Variants in TRAPPC8 observed in about 807,000 individuals in gnomAD.
TRAPPC8 encodes general sporulation gene 1 homolog.
A neutral mutation model predicts 174.3 loss-of-function variants in TRAPPC8; 54 were observed. The observed-to-expected ratio is 0.31, with a 90% CI of 0.25 to 0.39. The LOEUF (loss-of-function observed/expected upper bound fraction) is 0.39. TRAPPC8 is among the 10% of genes least tolerant of loss of function. TRAPPC8 has a pLI of 1.00. For synonymous variants in TRAPPC8, 630 were observed against 579.9 expected, an observed-to-expected ratio of 1.09 and a Z score of -1.24; for missense variants, 1,531 against 1,699.1, an observed-to-expected ratio of 0.90 and a Z score of 1.74.
At position 31,907,592 on chromosome 18, in the gene TRAPPC8, TG is replaced by T; in HGVS notation, c.1256del (p.Pro419GlnfsTer95). 1 of 1,610,072 alleles carries T rather than the reference TG, an allele frequency of 6.2e-7. No homozygotes were observed. The highest frequency in any genetic ancestry group is 8.5e-7 in the Non-Finnish European group (1 of 1,177,716). ...CAGCCATTTTCCTGATTTGAAGTTC[TG>T]GTGCTTCCGGCGGATACCTGTAAAT... is the stretch of plus-strand genomic sequence containing the variant. Reference protein sequence around the residue: ...TSGLLYPPEAPELQIRKMADL... With the variant: ...TSGLLYPPEAXELQIRKMADL... On this transcript the variant is annotated frameshift_variant, in exon 9 of 29. Transcript: ENST00000283351. LOFTEE classifies it high-confidence loss of function.
At position 31,937,828 on chromosome 18, in the gene TRAPPC8, C is replaced by A. The variant is rs573338081; in HGVS notation, c.157+4780G>T. On this transcript the variant is annotated intron_variant, in intron 1 of 28. Transcript: ENST00000283351. ...AAGTGATTCTCCTGCCTCAGCCTCC[C>A]GAGCAGCTGGGACTACAAGCGCCCA... Among the ~76,000 whole-genome samples, 21 of 152,112 alleles carry A rather than the reference C, an allele frequency of 1.4e-4. No individual in the cohort carries two copies. In the South Asian group the frequency reaches 3.7e-3, roughly 27 times the overall value.
chr18:31,885,045 G>C (rs2035640460), intron 12 of TRAPPC8, among the ~76,000 whole-genome samples: 1 of 151,944 alleles, frequency 6.6e-6, no homozygotes, highest in Admixed American at 6.6e-5. Flanking sequence ...TTTTAGTAGA[G>C]ACGGGGTTTC....
Position 31,874,528 on chromosome 18 carries a change from A to T in TRAPPC8, c.1905T>A (p.Ser635=). ...TGAGGAAAGCCCCCTGTTGAGCAGCAGATTGTTTACTTTCATTAATTAGAA... is the reference window on the plus strand; with the variant it reads ...TGAGGAAAGCCCCCTGTTGAGCAGCTGATTGTTTACTTTCATTAATTAGAA... The part of the protein sequence containing the change: ...RHILINESKQ[S]AAQQGAFLRE... The change falls in exon 13 of 29, where the codon TCT becomes TCA. Residue 635 remains serine (S), a synonymous_variant. Coordinates refer to ENST00000283351, the MANE Select transcript of TRAPPC8 (RefSeq NM_014939.5). 6.2e-7 allele frequency: 1 copy of T among 1,614,152 alleles called. No homozygotes were observed. Among genetic ancestry groups the T allele is most frequent in the Non-Finnish European group, 8.5e-7 (1 of 1,180,008 alleles).
In TRAPPC8 at chr18:31,908,401, A is replaced by G. The variant is rs2036756877; in HGVS notation, c.1140T>C (p.Gly380=). ...TTGCAGAAAATAGAGATCGACTCAA[A>G]CCTTTTCTTGATATTAGCTTTAAAA... is the stretch of plus-strand genomic sequence containing the variant. ...QLNDQLISRK[G]LSRSLFSATK... is the part of the protein sequence containing the mutation. The change falls in exon 8 of 29, where the codon GGT becomes GGC. Residue 380 remains glycine, a synonymous_variant. Coordinates refer to ENST00000283351, the MANE Select transcript of TRAPPC8 (RefSeq NM_014939.5). 1 of 1,588,466 alleles carries G rather than the reference A, an allele frequency of 6.3e-7. No individual in the cohort carries two copies. The highest frequency in any genetic ancestry group is 8.6e-7 in the Non-Finnish European group (1 of 1,168,174).
chr18:31,839,933 A>G (rs1451288742), intron 26 of TRAPPC8, among the ~76,000 whole-genome samples: 2 of 152,204 alleles, frequency 1.3e-5, no homozygotes, highest in Admixed American at 6.5e-5. Context: ...ATCCTGCTGC[A>G]TTGTATAGTA....
In TRAPPC8 at chr18:31,901,817, G is replaced by A. The variant is rs368087157; in HGVS notation, c.1390-792C>T. ...GATTTGTCCTCCTTTGGGCGTCTAC[G>A]TGAATGTTGTGTGGCAGTGTGAGTG... is the stretch of plus-strand genomic sequence containing the variant. On this transcript the variant is annotated intron_variant, in intron 9 of 28. Coordinates refer to ENST00000283351, the MANE Select transcript of TRAPPC8 (RefSeq NM_014939.5). Among the ~76,000 whole-genome samples the A allele has an allele frequency of 7.2e-5, 11 of 152,328 alleles. No homozygotes were observed. In the East Asian group the frequency reaches 1.2e-3, roughly 16 times the overall value.
At chr18:31,928,129 C>G (rs892559638) in intron 2 of TRAPPC8, among the ~76,000 whole-genome samples, 1 of 151,210 alleles carries the variant, frequency 6.6e-6, no homozygotes, top group African/African-American at 2.4e-5. Flanking sequence ...ACACTCCAGC[C>G]TGGGCAAAAG....
At position 31,931,433 on chromosome 18, in the gene TRAPPC8, C is replaced by T; in HGVS notation, c.248G>A (p.Gly83Glu). Residue 83 changes from glycine (G) to glutamate (E), a missense_variant, in exon 2 of 29, where the codon GGA becomes GAA. Coordinates refer to ENST00000283351, the MANE Select transcript of TRAPPC8 (RefSeq NM_014939.5). The part of the protein sequence containing the change: ...SNIVTQPPQP[G>E]AIRKLLNDVV... Reference sequence around the variant, plus strand: ...ATCATTCAAAAGCTTCCGGATGGCTCCAGGCTGAGGTGGCTGGGTGACAAT... The same window carrying T: ...ATCATTCAAAAGCTTCCGGATGGCTTCAGGCTGAGGTGGCTGGGTGACAAT... 1 of 1,613,556 alleles carries T rather than the reference C, an allele frequency of 6.2e-7. No homozygotes were observed. The highest frequency in any genetic ancestry group is 8.5e-7 in the Non-Finnish European group (1 of 1,179,766).
chr18:31,920,583 T>C (rs996450625), intron 2 of TRAPPC8, among the ~76,000 whole-genome samples: 2 of 149,822 alleles, frequency 1.3e-5, no homozygotes, highest in African/African-American at 2.4e-5. Flanking sequence ...GGCAGATCGA[T>C]TGAGCTCAGG....
intron 15 of TRAPPC8, 47 bp from the exon 16 acceptor site, chr18:31,870,549 C>T: frequency 6.4e-7 from 1 of 1,565,686 alleles, no homozygotes; most frequent in South Asian, 1.2e-5. Context: ...AACATCACAC[C>T]TCATTCTCAG....
At chr18:31,926,881 GTAAT>G (rs1275515606) in intron 2 of TRAPPC8, among the ~76,000 whole-genome samples, 1 of 152,124 alleles carries the variant, frequency 6.6e-6, no homozygotes, top group Non-Finnish European at 1.5e-5. Context: ...AGGATAGACA[GTAAT>G]TAAGCCAAAT....
At chr18:31,875,057 T>G (rs1456530633) in intron 12 of TRAPPC8, among the ~76,000 whole-genome samples, 2 of 152,164 alleles carry the variant, frequency 1.3e-5, no homozygotes, top group African/African-American at 4.8e-5. Context: ...TGACTTTATC[T>G]ACCTTAAATT....
intron 2 of TRAPPC8, among the ~76,000 whole-genome samples, chr18:31,925,635 C>T (rs1241873763): frequency 6.6e-6 from 1 of 152,084 alleles, no homozygotes; most frequent in East Asian, 1.9e-4. Flanking sequence ...AGTGCATAAC[C>T]AGACTGTCAA....
chr18:31,852,599 T>C lies in TRAPPC8; in HGVS notation c.3498A>G (p.Glu1166=), dbSNP rs890549041. The change falls in exon 23 of 29, where the codon GAA becomes GAG. Residue 1166 remains glutamate (E), a synonymous_variant. Transcript: ENST00000283351. ...GTAAAAGTAAAGTGAATTTACCTTC[T>C]TCTTTCTCACATCTTATTGCCTTAA... The part of the protein sequence containing the change: ...FCFKAIRCEK[E]EAATQSSEKY... The C allele has an allele frequency of 1.2e-6, 2 of 1,614,070 alleles. No homozygotes were observed. The highest frequency in any genetic ancestry group is 1.1e-5 in the South Asian group (1 of 91,072).
Position 31,942,981 on chromosome 18 carries a change from G to T in TRAPPC8, c.-217C>A. 1.0e-6 allele frequency: 1 copy of T among 996,434 alleles called. No individual in the cohort carries two copies. Among genetic ancestry groups the T allele is most frequent in the Non-Finnish European group, 1.3e-6 (1 of 771,002 alleles). The allele number at this position is 996,434 out of a possible 1,614,324, so 61.7% of individuals were successfully genotyped here. A position where few individuals can be genotyped will look rare whatever the true frequency, so the allele number is the denominator to read the frequency against. ...CCCTTCCCGTCACCGCCGCTTCTCA[G>T]CGCTCGTCCCCGCGTGCTCGCATTC... On this transcript the variant is annotated 5_prime_UTR_variant, in exon 1 of 29. In the 5' UTR this introduces an upstream ATG that the reference lacks. Transcript: ENST00000283351.
chr18:31,867,883 C>T (rs1766278490), intron 16 of TRAPPC8, among the ~76,000 whole-genome samples: 1 of 151,938 alleles, frequency 6.6e-6, no homozygotes, highest in Non-Finnish European at 1.5e-5. Context: ...TGTTTCAAAA[C>T]GGGAGCATAT....
intron 26 of TRAPPC8, among the ~76,000 whole-genome samples, chr18:31,842,683 G>A (rs537658665): frequency 3.3e-5 from 5 of 152,204 alleles, no homozygotes; most frequent in African/African-American, 4.8e-5. Flanking sequence ...AATCTGAAAC[G>A]CTCTGAAATC....
Position 31,909,704 on chromosome 18 carries a change from GTTA to G in TRAPPC8, c.825_827del (p.Asn276del), listed in dbSNP as rs2036827639. On this transcript the variant is annotated inframe_deletion, in exon 6 of 29. Transcript: ENST00000283351. Reference sequence around the variant, plus strand: ...TATCTAATCCATCCAATGAAAGCAAGTTATTATCAGAATTCTTATTTGAAGTTA... The same window carrying G: ...TATCTAATCCATCCAATGAAAGCAAGTTATCAGAATTCTTATTTGAAGTTA... The G allele has an allele frequency of 1.2e-6, 2 of 1,600,694 alleles. No individual in the cohort carries two copies. The highest frequency in any genetic ancestry group is 1.8e-5 in the Admixed American group (1 of 56,304).
chr18:31,939,254 T>C (rs1466278988), intron 1 of TRAPPC8: 2 of 150,420 alleles, frequency 1.3e-5, no homozygotes, highest in African/African-American at 2.5e-5. Flanking sequence ...TCATAGTCCA[T>C]GTTCATCTTG....
Sources: allele counts gnomAD v4.1 joint callset (sites outside exome capture counted in the v4.1 genomes callset), GRCh38; gene constraint gnomAD v4.1.1; transcripts MANE v1.5; gene names NCBI Gene and HGNC (gene_info 2026-07-23, HGNC 2026-07-21).